Variants in HYCC2 observed in about 807,000 individuals in gnomAD.
The protein encoded by HYCC2 is hyccin PI4KA lipid kinase complex subunit 2.
chr2:201,039,661 A>G, the HYCC2 span, among the ~76,000 whole-genome samples: 7 of 152,236 alleles, frequency 4.6e-5, no homozygotes, highest in Non-Finnish European at 1.0e-4. Context: ...TTAAACAACA[A>G]TTAGGGACAC....
At chr2:201,018,705 G>C in the HYCC2 span, among the ~76,000 whole-genome samples, 1 of 152,128 alleles carries the variant, frequency 6.6e-6, no homozygotes, top group Non-Finnish European at 1.5e-5. Context: ...TGGGTGTGGA[G>C]GTACACATCC....
chr2:201,025,482 G>A, the HYCC2 span, among the ~76,000 whole-genome samples: 43 of 150,798 alleles, frequency 2.9e-4, no homozygotes, highest in Non-Finnish European at 4.4e-4. Context: ...AAAAGAAGGA[G>A]AGAAAGAAAG....
chr2:201,004,784 G>A, the HYCC2 span, among the ~76,000 whole-genome samples: 17 of 152,254 alleles, frequency 1.1e-4, no homozygotes, highest in Admixed American at 9.8e-4. Context: ...TTGGGAGGCC[G>A]AGGCAGGTGG....
chr2:201,040,159 G>A, the HYCC2 span, among the ~76,000 whole-genome samples: 3 of 149,282 alleles, frequency 2.0e-5, no homozygotes, highest in Admixed American at 2.0e-4. Flanking sequence ...GCGACAGAGT[G>A]AGACTCTGTC....
At chr2:200,978,032 T>C in the HYCC2 span, 5 of 152,208 alleles carry the variant, frequency 3.3e-5, no homozygotes, top group Non-Finnish European at 7.3e-5. Context: ...TCTCCCTAAA[T>C]ATCTTTTTCA....
the HYCC2 span, among the ~76,000 whole-genome samples, chr2:201,062,873 T>G: frequency 6.7e-6 from 1 of 148,274 alleles, no homozygotes; most frequent in African/African-American, 2.5e-5. Flanking sequence ...ATAATATATA[T>G]AAACATATAT....
At chr2:201,007,815 C>G in the HYCC2 span, among the ~76,000 whole-genome samples, 1 of 152,136 alleles carries the variant, frequency 6.6e-6, no homozygotes, top group African/African-American at 2.4e-5. Flanking sequence ...CCTAATCAAT[C>G]ATGCCTACAT....
the HYCC2 span, chr2:201,067,244 A>G: frequency 6.4e-6 from 1 of 156,582 alleles, no homozygotes; most frequent in Non-Finnish European, 1.4e-5. Flanking sequence ...TTCTCACCAG[A>G]AAAAAAAAAA....
the HYCC2 span, among the ~76,000 whole-genome samples, chr2:201,031,008 T>C: frequency 2.0e-5 from 3 of 152,342 alleles, no homozygotes; most frequent in South Asian, 6.2e-4. Context: ...AACACCCTTA[T>C]ACATATTTGT....
the HYCC2 span, among the ~76,000 whole-genome samples, chr2:201,065,183 A>T: frequency 6.6e-6 from 1 of 152,220 alleles, no homozygotes; most frequent in Non-Finnish European, 1.5e-5. Flanking sequence ...CTTTATTTTT[A>T]GTATTTCAAG....
chr2:201,028,665 C>A, the HYCC2 span, among the ~76,000 whole-genome samples: 4 of 151,732 alleles, frequency 2.6e-5, no homozygotes, highest in Admixed American at 6.6e-5. Context: ...CACCACACAT[C>A]TACAACCATC....
At chr2:201,000,576 G>A in the HYCC2 span, among the ~76,000 whole-genome samples, 4 of 152,152 alleles carry the variant, frequency 2.6e-5, 1 homozygote, top group East Asian at 1.9e-4. Context: ...GAAAATAAGC[G>A]TGAGAATGTA....
At chr2:201,032,809 A>T in the HYCC2 span, among the ~76,000 whole-genome samples, 1 of 152,190 alleles carries the variant, frequency 6.6e-6, no homozygotes, top group Non-Finnish European at 1.5e-5. Flanking sequence ...CACGTGTGCC[A>T]CTACGCCTGG....
chr2:201,033,542 T>G, the HYCC2 span, among the ~76,000 whole-genome samples: 1 of 151,902 alleles, frequency 6.6e-6, no homozygotes, highest in Non-Finnish European at 1.5e-5. Flanking sequence ...TAGCTGGGAC[T>G]ACAGGCGCCC....
chr2:200,997,159 G>A, the HYCC2 span: 3 of 231,594 alleles, frequency 1.3e-5, no homozygotes, highest in Non-Finnish European at 2.6e-5. Context: ...GGAGGCCCAG[G>A]CGGGAGGATC....
chr2:201,006,426 C>A, the HYCC2 span, among the ~76,000 whole-genome samples: 1 of 151,884 alleles, frequency 6.6e-6, no homozygotes, highest in South Asian at 2.1e-4. Flanking sequence ...CAGGCATGAG[C>A]CGCACCTGGC....
At chr2:200,994,806 G>C in the HYCC2 span, among the ~76,000 whole-genome samples, 1 of 151,862 alleles carries the variant, frequency 6.6e-6, no homozygotes, top group Non-Finnish European at 1.5e-5. Flanking sequence ...TTCAAGACCA[G>C]CCTGGACAAC....
the HYCC2 span, chr2:200,980,675 G>T: frequency 6.5e-6 from 1 of 153,632 alleles, no homozygotes; most frequent in African/African-American, 2.4e-5. Flanking sequence ...TAAAGGAGAT[G>T]GGGGGGTGGA....
the HYCC2 span, chr2:200,977,355 T>C: frequency 6.6e-6 from 1 of 152,156 alleles, no homozygotes; most frequent in Non-Finnish European, 1.5e-5. Flanking sequence ...TGAGCCTCTG[T>C]TTCTTGAGGA....
Sources: gnomAD v4.1 joint callset for allele counts (sites outside exome capture counted in the v4.1 genomes callset) on GRCh38, gnomAD v4.1.1 for gene constraint, MANE v1.5 for transcripts, NCBI Gene and HGNC (gene_info 2026-07-23, HGNC 2026-07-21) for gene names.